The following ANK3 variants were observed in gnomAD, a reference collection of about 807,000 sequenced individuals.
ANK3 encodes ankyrin-3.
Under a neutral mutation model 370.9 loss-of-function variants are expected in ANK3, and 57 were observed. That is an observed-to-expected ratio of 0.15 (90% CI 0.12 to 0.19). The LOEUF (loss-of-function observed/expected upper bound fraction) is 0.19. ANK3 is among the 10% of genes least tolerant of loss of function. The pLI is 1.00. For synonymous variants in ANK3, 1,929 were observed against 1,946.3 expected (o/e 0.99, Z 0.23); for missense variants, 4,439 against 5,302.1 (o/e 0.84, Z 5.06).
chr10:60,521,624 T>C (rs892262092), intron 2 of ANK3, among the ~76,000 whole-genome samples: 1 of 152,124 alleles, frequency 6.6e-6, no homozygotes, highest in African/African-American at 2.4e-5. Context: ...AGCTGCAACA[T>C]TGGATAATGC....
intron 2 of ANK3, among the ~76,000 whole-genome samples, chr10:60,445,574 T>G (rs931039957): frequency 1.1e-4 from 16 of 151,476 alleles, no homozygotes; most frequent in Admixed American, 2.0e-4. Context: ...GCGCTGAAAT[T>G]CAGATGTAAA....
chr10:60,493,964 A>C (rs989127574), intron 2 of ANK3, among the ~76,000 whole-genome samples: 3 of 152,230 alleles, frequency 2.0e-5, no homozygotes, highest in African/African-American at 7.2e-5. Context: ...CATATTAATC[A>C]TGATAATATC....
At position 60,050,449 on chromosome 10, in the gene ANK3, C is replaced by T. The variant is rs751270965; in HGVS notation, c.13065+5209G>A. ...CACCAGGATTAAGAAATTTTGGACA[C>T]CTGTGCCAACTTCTGTGCTTTCTGT... On this transcript the variant is annotated intron_variant, in intron 42 of 43. Transcript: ENST00000280772. 3.7e-4 allele frequency among the ~76,000 whole-genome samples: 57 copies of T among 152,154 alleles called. 1 individual carries two copies. Among genetic ancestry groups the T allele is most frequent in the Non-Finnish European group, 6.2e-4 (42 of 68,022 alleles).
At chr10:60,620,792 A>AT (rs1491473806) in intron 1 of ANK3, among the ~76,000 whole-genome samples, 3 of 152,122 alleles carry the variant, frequency 2.0e-5, no homozygotes, top group African/African-American at 7.2e-5. Flanking sequence ...TAAAGTAGTG[A>AT]TTTTTTTAAT....
At chr10:60,157,120 C>T (rs1479785106) in intron 23 of ANK3, among the ~76,000 whole-genome samples, 2 of 150,840 alleles carry the variant, frequency 1.3e-5, no homozygotes, top group Non-Finnish European at 2.9e-5. Flanking sequence ...TCACTGCAAC[C>T]TCCGCCTCCC....
intron 2 of ANK3, among the ~76,000 whole-genome samples, chr10:60,498,459 G>A (rs898462483): frequency 3.3e-5 from 5 of 152,120 alleles, no homozygotes; most frequent in African/African-American, 1.2e-4. Flanking sequence ...CACAATCACA[G>A]CTCACTGCAG....
chr10:60,181,170 C>T (rs561130801), intron 18 of ANK3, among the ~76,000 whole-genome samples, 159 bp downstream of exon 18: 28 of 152,240 alleles, frequency 1.8e-4, no homozygotes, highest in Admixed American at 3.9e-4. Flanking sequence ...ATACGGCAAC[C>T]GGAGACTTTA....
At chr10:60,201,094 G>C (rs899507076) in intron 12 of ANK3, among the ~76,000 whole-genome samples, 1 of 152,184 alleles carries the variant, frequency 6.6e-6, no homozygotes, top group Non-Finnish European at 1.5e-5. Context: ...TTGCTTTATA[G>C]GCCACCTACT....
chr10:60,334,585 C>T (rs1274824848), intron 1 of ANK3, among the ~76,000 whole-genome samples: 3 of 152,190 alleles, frequency 2.0e-5, no homozygotes, highest in South Asian at 2.1e-4. Context: ...CCCTTGACTC[C>T]AGGAGGTTTA....
chr10:60,593,099 A>G (rs1023058072), intron 2 of ANK3, among the ~76,000 whole-genome samples: 1 of 152,250 alleles, frequency 6.6e-6, no homozygotes, highest in Non-Finnish European at 1.5e-5. Context: ...TCAATATCAC[A>G]TAGAAGTTTT....
intron 1 of ANK3, among the ~76,000 whole-genome samples, chr10:60,653,818 A>G (rs2078825149): frequency 1.3e-5 from 2 of 152,248 alleles, no homozygotes; most frequent in African/African-American, 4.8e-5. Context: ...CAGTGAGCCA[A>G]GATAACACCA....
chr10:60,186,733 A>G lies in ANK3; in HGVS notation c.2067T>C (p.Asn689=). The G allele has an allele frequency of 2.5e-6, 4 of 1,614,030 alleles. No individual in the cohort carries two copies. Among genetic ancestry groups the G allele is most frequent in the Non-Finnish European group, 3.4e-6 (4 of 1,179,926 alleles). The change falls in exon 17 of 44, where the codon AAT becomes AAC. Residue 689 remains asparagine (N), a synonymous_variant. Coordinates refer to ENST00000280772, the MANE Select transcript of ANK3 (RefSeq NM_020987.5). The stretch of plus-strand genomic sequence containing the variant: ...GGGTTACCTTATTGCTCAGGTTCAC[A>G]TTCGCATTTCTACCGAGGAGCAGCG... The part of the protein sequence containing the change: ...MVSLLLGRNA[N]VNLSNKSGLT...
At chr10:60,274,324 T>C (rs1392938482) in intron 4 of ANK3, among the ~76,000 whole-genome samples, 2 of 152,178 alleles carry the variant, frequency 1.3e-5, no homozygotes, top group Non-Finnish European at 2.9e-5. Flanking sequence ...GGTGAGTGTT[T>C]CATGGTGGAA....
chr10:60,089,947 C>T (rs1441388771), intron 28 of ANK3, among the ~76,000 whole-genome samples: 2 of 151,914 alleles, frequency 1.3e-5, no homozygotes, highest in Admixed American at 6.6e-5. Context: ...AATAGGAAAT[C>T]TATTTGGAAA....
At chr10:60,220,697 C>T (rs1004122482) in intron 8 of ANK3, among the ~76,000 whole-genome samples, 18 of 152,164 alleles carry the variant, frequency 1.2e-4, no homozygotes, top group African/African-American at 3.6e-4. Flanking sequence ...CAATGTACAT[C>T]TTGCATGTGT....
chr10:60,658,260 C>T (rs2078892709), intron 1 of ANK3, among the ~76,000 whole-genome samples: 1 of 150,550 alleles, frequency 6.6e-6, no homozygotes, highest in African/African-American at 2.4e-5. Context: ...TCCTTTATTC[C>T]TTTTCTCCTG....
chr10:60,035,375 A>G (rs1192829368), intron 43 of ANK3, among the ~76,000 whole-genome samples: 1 of 151,822 alleles, frequency 6.6e-6, no homozygotes, highest in Admixed American at 6.6e-5. Flanking sequence ...CAGCCTCCTG[A>G]GTAGCTGGGA....
chr10:60,100,234 GTTTTTTTTTT>G (rs3045340), intron 28 of ANK3, among the ~76,000 whole-genome samples: 4 of 57,900 alleles, frequency 6.9e-5, no homozygotes, highest in South Asian at 8.4e-4. Flanking sequence ...TTTTGCTATG[GTTTTTTTTTT>G]TTTTTTTTTT....
intron 1 of ANK3, among the ~76,000 whole-genome samples, chr10:60,655,905 G>C (rs2078857266): frequency 6.6e-6 from 1 of 152,142 alleles, no homozygotes; most frequent in Non-Finnish European, 1.5e-5. Flanking sequence ...TGTTACAATT[G>C]CCTACAGTAT....
Sources: allele counts gnomAD v4.1 joint callset (sites outside exome capture counted in the v4.1 genomes callset), GRCh38; gene constraint gnomAD v4.1.1; transcripts MANE v1.5; gene names NCBI Gene and HGNC (gene_info 2026-07-23, HGNC 2026-07-21).